The following PRKCE variants were observed in gnomAD, a reference collection of about 807,000 sequenced individuals.
PRKCE encodes the protein protein kinase C epsilon type.
A neutral mutation model predicts 85.4 loss-of-function variants in PRKCE; 16 were observed. The ratio of observed to expected loss-of-function variants is 0.19; its 90% CI spans 0.13 to 0.28. PRKCE has a LOEUF of 0.28. Among genes scored for constraint, PRKCE ranks in the 10% least tolerant of loss-of-function variants. The pLI is 1.00. For missense variants in PRKCE, 573 were observed against 975.2 expected (o/e 0.59, Z 5.49); for synonymous variants, 388 against 371.5 (o/e 1.04, Z -0.51).
At chr2:45,783,527 G>T (rs1686360994) in intron 1 of PRKCE, among the ~76,000 whole-genome samples, 1 of 152,188 alleles carries the variant, frequency 6.6e-6, no homozygotes, top group South Asian at 2.1e-4. Context: ...CCCTCCTTGG[G>T]AATCTACTTC....
At chr2:45,659,935 C>T (rs1160579328) in intron 1 of PRKCE, among the ~76,000 whole-genome samples, 5 of 151,862 alleles carry the variant, frequency 3.3e-5, no homozygotes, top group East Asian at 1.9e-4. Context: ...GAACACCAGA[C>T]GCTCTATAAA....
intron 5 of PRKCE, 33 bp from the exon 6 acceptor site, chr2:45,984,518 C>T (rs1387335697): frequency 1.6e-5 from 25 of 1,594,520 alleles, no homozygotes; most frequent in Middle Eastern, 1.6e-4. Flanking sequence ...CTGAGGAGCT[C>T]GGTGGTGAAC....
intron 2 of PRKCE, among the ~76,000 whole-genome samples, chr2:45,872,963 C>T (rs1288489120): frequency 1.3e-5 from 2 of 152,160 alleles, no homozygotes; most frequent in African/African-American, 4.8e-5. Context: ...TCCTTAGTGG[C>T]TGCCTGGCAC....
At chr2:45,819,902 G>A (rs1476056564) in intron 1 of PRKCE, among the ~76,000 whole-genome samples, 1 of 152,190 alleles carries the variant, frequency 6.6e-6, no homozygotes, top group Non-Finnish European at 1.5e-5. Flanking sequence ...CATCAAGCTG[G>A]TTTGGGGCTG....
At chr2:46,065,003 A>T (rs1667498959) in intron 10 of PRKCE, among the ~76,000 whole-genome samples, 1 of 152,206 alleles carries the variant, frequency 6.6e-6, no homozygotes, top group Admixed American at 6.5e-5. Context: ...CTAGCTTGAG[A>T]AGCCATGCTC....
intron 1 of PRKCE, among the ~76,000 whole-genome samples, chr2:45,750,822 A>C (rs1683498115): frequency 6.6e-6 from 1 of 152,132 alleles, no homozygotes. Context: ...GTGTGGTGGC[A>C]TGATTTTGAC....
chr2:46,161,340 C>T (rs1420776950), intron 14 of PRKCE, among the ~76,000 whole-genome samples: 1 of 152,240 alleles, frequency 6.6e-6, no homozygotes, highest in Admixed American at 6.5e-5. Flanking sequence ...ATTTTAACTT[C>T]TATTTAATCT....
In PRKCE at chr2:46,158,985, T is replaced by G. The variant is rs1278963895; in HGVS notation, c.1921-621T>G. Among the ~76,000 whole-genome samples, 6 of 152,218 alleles carry G rather than the reference T, an allele frequency of 3.9e-5. No homozygotes were observed. The South Asian group carries it at 1.2e-3, about 32-fold the overall frequency. On this transcript the variant is annotated intron_variant, in intron 13 of 14. Transcript: ENST00000306156. ...TACAAGCATTGAAAAGGAATAAGCC[T>G]TTCTTTTTCTTGTTTTTTATCTTTT...
At chr2:46,061,005 G>T (rs751810929) in intron 10 of PRKCE, among the ~76,000 whole-genome samples, 1 of 151,042 alleles carries the variant, frequency 6.6e-6, no homozygotes, top group Non-Finnish European at 1.5e-5. Flanking sequence ...CAAGTGATTC[G>T]CCCACCTCCA....
intron 2 of PRKCE, among the ~76,000 whole-genome samples, chr2:45,904,453 C>T (rs1443983194): frequency 1.3e-5 from 2 of 152,080 alleles, no homozygotes; most frequent in Non-Finnish European, 2.9e-5. Flanking sequence ...AGAACACAGA[C>T]TTATATCACA....
At chr2:45,873,380 T>G (rs972722144) in intron 2 of PRKCE, among the ~76,000 whole-genome samples, 2 of 151,922 alleles carry the variant, frequency 1.3e-5, no homozygotes, top group African/African-American at 2.4e-5. Context: ...GTGTTGTTGA[T>G]GTCACATGGT....
chr2:45,980,373 C>T lies in PRKCE; in HGVS notation c.685C>T (p.Pro229Ser), dbSNP rs1308958497. 1.9e-6 allele frequency: 3 copies of T among 1,599,548 alleles called. No homozygotes were observed. Among genetic ancestry groups the T allele is most frequent in the African/African-American group, 2.7e-5 (2 of 74,914 alleles). ...TGCTGGGTTAAAGAAGCAGGAGACC[C>T]CCGACCAGGTAAGTGTTGGTGACAC... ...KCAGLKKQET[P>S]DQVGSQRFSV... The change falls in exon 5 of 15, where the codon CCC becomes TCC. Residue 229 changes from proline to serine, a missense_variant. Transcript: ENST00000306156.
intron 2 of PRKCE, among the ~76,000 whole-genome samples, chr2:45,884,990 TA>T (rs55820505): frequency 0.037 from 2,637 of 70,344 alleles, 219 homozygotes; most frequent in Middle Eastern, 0.06. Flanking sequence ...TATATATATA[TA>T]TATATATATA....
chr2:45,679,194 C>G (rs1393783007), intron 1 of PRKCE, among the ~76,000 whole-genome samples: 2 of 152,118 alleles, frequency 1.3e-5, no homozygotes, highest in Non-Finnish European at 2.9e-5. Flanking sequence ...AGTGTGGCTG[C>G]AATAGAATCT....
At chr2:45,725,618 G>A (rs547969174) in intron 1 of PRKCE, among the ~76,000 whole-genome samples, 10 of 152,088 alleles carry the variant, frequency 6.6e-5, no homozygotes, top group Admixed American at 2.6e-4. Context: ...AGATCACGAG[G>A]TCAAGAGATC....
intron 2 of PRKCE, among the ~76,000 whole-genome samples, chr2:45,866,832 G>A (rs1286697409): frequency 6.6e-6 from 1 of 152,204 alleles, no homozygotes; most frequent in Non-Finnish European, 1.5e-5. Context: ...TTACATCATT[G>A]TGGAAAATTC....
intron 1 of PRKCE, among the ~76,000 whole-genome samples, chr2:45,716,728 AAGGAAAGT>A (rs1424929223): frequency 4.2e-4 from 22 of 52,584 alleles, no homozygotes; most frequent in African/African-American, 1.5e-3. Context: ...GGAAGGAAGG[AAGGAAAGT>A]AGGAAGGAAC....
intron 1 of PRKCE, among the ~76,000 whole-genome samples, chr2:45,701,890 C>G (rs1678672347): frequency 6.6e-6 from 1 of 152,144 alleles, no homozygotes; most frequent in Non-Finnish European, 1.5e-5. Context: ...GACTCACCGT[C>G]ACAACACAAA....
intron 2 of PRKCE, among the ~76,000 whole-genome samples, chr2:45,883,694 A>G (rs984384868): frequency 1.3e-5 from 2 of 152,014 alleles, no homozygotes; most frequent in Non-Finnish European, 2.9e-5. Context: ...TCCCTATATG[A>G]TGTCAGTCAG....
Sources: allele counts gnomAD v4.1 joint callset (sites outside exome capture counted in the v4.1 genomes callset), GRCh38; gene constraint gnomAD v4.1.1; transcripts MANE v1.5; gene names NCBI Gene and HGNC (gene_info 2026-07-23, HGNC 2026-07-21).